The following TUBB8 variants were observed in gnomAD, a reference collection of about 807,000 sequenced individuals.
TUBB8 encodes the protein tubulin beta-8 chain.
In TUBB8, 25 loss-of-function variants were observed where a neutral mutation model predicts 33.7. The ratio of observed to expected loss-of-function variants is 0.74; its 90% CI spans 0.54 to 1.04. The LOEUF is 1.04. Among genes scored for constraint, TUBB8 ranks in the 50% least tolerant of loss-of-function variants. TUBB8 has a pLI of 0.00. For missense variants in TUBB8, 279 were observed against 608.0 expected, an observed-to-expected ratio of 0.46 and a Z score of 5.69; for synonymous variants, 245 against 240.1, an observed-to-expected ratio of 1.02 and a Z score of -0.19.
At chr10:70,600 G>A (rs1834724171) in intron 1 of TUBB8, among the ~76,000 whole-genome samples, 1 of 152,144 alleles carries the variant, frequency 6.6e-6, no homozygotes. Flanking sequence ...AGTACTTTGG[G>A]AGGCCGAGGC....
chr10:72,249 T>TAAA, intron 1 of TUBB8, among the ~76,000 whole-genome samples: 1 of 139,044 alleles, frequency 7.2e-6, no homozygotes, highest in Non-Finnish European at 1.6e-5. Flanking sequence ...AAAAATTTTT[T>TAAA]TAATTAAAAA....
chr10:51,510 CTG>C (rs1834468200), upstream of TUBB8, among the ~76,000 whole-genome samples: 1 of 152,212 alleles, frequency 6.6e-6, no homozygotes, highest in African/African-American at 2.4e-5. Context: ...CCATGTGCAA[CTG>C]TGAGTCAATT....
chr10:61,795 A>T (rs1834605406), intron 1 of TUBB8, among the ~76,000 whole-genome samples: 1 of 152,180 alleles, frequency 6.6e-6, no homozygotes, highest in Non-Finnish European at 1.5e-5. Context: ...GTGCATATAT[A>T]TTTCCAATTA....
At chr10:52,736 A>T (rs1362665838), upstream of TUBB8, among the ~76,000 whole-genome samples, 6 of 152,358 alleles carry the variant, frequency 3.9e-5, no homozygotes, top group Admixed American at 3.9e-4. Context: ...TATGGCCATA[A>T]ATATTCTGCA....
In TUBB8 at chr10:49,211, C is replaced by G; in HGVS notation, c.28G>C (p.Gly10Arg). 3 of 1,582,776 alleles carry G rather than the reference C, an allele frequency of 1.9e-6. No homozygotes were observed. Among genetic ancestry groups the G allele is most frequent in the East Asian group, 2.3e-5 (1 of 43,046 alleles). ...GCGCCGATCTGATTCCCGCACTGCCCGATCTGCGTGAGCACGATCTCCCTC... is the reference window on the plus strand; with the variant it reads ...GCGCCGATCTGATTCCCGCACTGCCGGATCTGCGTGAGCACGATCTCCCTC... MREIVLTQIGQCGNQIGAKF... is the reference protein window; with the variant it reads MREIVLTQIRQCGNQIGAKF... The change falls in exon 1 of 4, where the codon GGG becomes CGG. Residue 10 changes from glycine to arginine, a missense_variant. Around this residue, in one of 4 missense-constraint regions of TUBB8, gnomAD observed 56 missense variants for 77.9 expected, o/e 0.72. Coordinates refer to ENST00000568584, the MANE Select transcript of TUBB8 (RefSeq NM_177987.3).
chr10:74,625 C>CAAAAAAAAAAAAAAAAAAAGAAAAA (rs35723619), upstream of TUBB8, among the ~76,000 whole-genome samples: 1 of 89,680 alleles, frequency 1.1e-5, no homozygotes, highest in Non-Finnish European at 2.2e-5. Context: ...GACTCAGTAT[C>CAAAAAAAAAAAAAAAAAAAGAAAAA]AAAAAAAAAA....
chr10:56,347 G>A (rs1834530959), intron 1 of TUBB8, among the ~76,000 whole-genome samples: 1 of 152,096 alleles, frequency 6.6e-6, no homozygotes, highest in Non-Finnish European at 1.5e-5. Context: ...ATTTACTCAA[G>A]TTATTACTTC....
chr10:49,226 C>G lies in TUBB8; in HGVS notation c.13G>C (p.Val5Leu). The G allele has an allele frequency of 6.3e-7, 1 of 1,585,244 alleles. No individual in the cohort carries two copies. Among genetic ancestry groups the G allele is most frequent in the Non-Finnish European group, 8.6e-7 (1 of 1,166,340 alleles). MREI[V>L]LTQIGQCGNQ... is the part of the protein sequence containing the mutation. ...CCGCACTGCCCGATCTGCGTGAGCA[C>G]GATCTCCCTCATGGCCAAGGCGGGA... is the stretch of plus-strand genomic sequence containing the variant. Residue 5 changes from valine to leucine, a missense_variant, in exon 1 of 4, where the codon GTG (valine) becomes CTG (leucine). By Grantham distance (32) the Val-to-Leu change is conservative (BLOSUM62 1). Around this residue, in one of 4 missense-constraint regions of TUBB8, gnomAD observed 56 missense variants for 77.9 expected, o/e 0.72. Transcript: ENST00000568584.
At chr10:54,273 C>T (rs12240515), upstream of TUBB8, among the ~76,000 whole-genome samples, 33,754 of 123,642 alleles carry the variant, frequency 0.27, 3,247 homozygotes, top group African/African-American at 0.51. Context: ...CGCCCACAAA[C>T]GAGTGAGAAC....
At chr10:48,995 G>A (rs1458788107) in intron 1 of TUBB8, 83 bp from the exon 2 acceptor site, 11 of 690,776 alleles carry the variant, frequency 1.6e-5, no homozygotes, top group Middle Eastern at 4.9e-4. Context: ...ACCCTCATCC[G>A]CACCCCCATC....
chr10:58,965 A>G (rs1216488631), intron 1 of TUBB8, among the ~76,000 whole-genome samples: 1 of 152,116 alleles, frequency 6.6e-6, no homozygotes, highest in Non-Finnish European at 1.5e-5. Flanking sequence ...AATTATGTTG[A>G]ATAACAGTGG....
At chr10:52,398 A>T (rs1834479678), upstream of TUBB8, among the ~76,000 whole-genome samples, 2 of 152,374 alleles carry the variant, frequency 1.3e-5, no homozygotes, top group South Asian at 2.1e-4. Flanking sequence ...TAGGATTCTT[A>T]GATCTTGTGC....
At chr10:61,912 T>C (rs1834607251) in intron 1 of TUBB8, among the ~76,000 whole-genome samples, 1 of 152,224 alleles carries the variant, frequency 6.6e-6, no homozygotes, top group African/African-American at 2.4e-5. Flanking sequence ...GTAAAGCTAT[T>C]TCTGTTCTTT....
At chr10:73,983 C>A in exon 1 of TUBB8, 1 of 156,834 alleles carries the variant, frequency 6.4e-6, no homozygotes. Flanking sequence ...GCCTCGGTGT[C>A]CCGGAGCTGC....
At chr10:69,733 A>G (rs536941985) in intron 1 of TUBB8, among the ~76,000 whole-genome samples, 1 of 152,300 alleles carries the variant, frequency 6.6e-6, no homozygotes, top group East Asian at 1.9e-4. Context: ...CATCTCTACA[A>G]AAAAAATACA....
At chr10:50,467 G>A (rs1834452977), upstream of TUBB8, among the ~76,000 whole-genome samples, 1 of 152,140 alleles carries the variant, frequency 6.6e-6, no homozygotes, top group Non-Finnish European at 1.5e-5. Flanking sequence ...AGCTTCATTG[G>A]CCCTTTCAGT....
chr10:59,750 T>A (rs369115705), intron 1 of TUBB8, among the ~76,000 whole-genome samples: 13,411 of 110,270 alleles, frequency 0.12, no homozygotes, highest in African/African-American at 0.23. Flanking sequence ...GTTCTTTCCT[T>A]CTCTATTTTT....
chr10:64,106 C>G (rs1554741259), intron 1 of TUBB8, among the ~76,000 whole-genome samples: 1 of 152,122 alleles, frequency 6.6e-6, no homozygotes, highest in African/African-American at 2.4e-5. Context: ...AGCAGAGTCT[C>G]TCTTTCTCTG....
chr10:47,736 G>A lies in TUBB8; in HGVS notation c.656C>T (p.Thr219Ile). The A allele has an allele frequency of 1.2e-6, 2 of 1,613,284 alleles. No individual in the cohort carries two copies. Among genetic ancestry groups the A allele is most frequent in the Non-Finnish European group, 8.5e-7 (1 of 1,180,044 alleles). ...GTGGTTCAGGTCACCATAGGTGGGT[G>A]TGGGCAGTTTTAGGGTCTTGGAACA... ...DICSKTLKLP[T>I]PTYGDLNHLV... The change falls in exon 4 of 4, where the codon ACA (threonine) becomes ATA (isoleucine). Residue 219 changes from threonine (T) to isoleucine (I), a missense_variant. Transcript: ENST00000568584.
Sources: allele counts gnomAD v4.1 joint callset (sites outside exome capture counted in the v4.1 genomes callset), GRCh38; gene constraint gnomAD v4.1.1; regional missense constraint gnomAD v4.1.1; transcripts MANE v1.5; gene names NCBI Gene and HGNC (gene_info 2026-07-23, HGNC 2026-07-21).